The following PLEKHA8 variants were observed in gnomAD, a reference collection of about 807,000 sequenced individuals.
PLEKHA8 encodes the protein pleckstrin homology domain containing A8.
A neutral mutation model predicts 68.2 loss-of-function variants in PLEKHA8; 36 were observed. The ratio of observed to expected loss-of-function variants is 0.53; its 90% CI spans 0.40 to 0.70. The LOEUF (loss-of-function observed/expected upper bound fraction) is 0.70, where lower values mean the gene tolerates loss of function less well. Among genes scored for constraint, PLEKHA8 ranks in the 30% least tolerant of loss-of-function variants. The pLI, the probability that PLEKHA8 is intolerant of heterozygous loss-of-function variation, is 0.00. For synonymous variants in PLEKHA8, 211 were observed against 216.1 expected (o/e 0.98, Z 0.20); for missense variants, 505 against 615.4 (o/e 0.82, Z 1.90).
intron 2 of PLEKHA8, 80 bp downstream of exon 2, chr7:30,045,281 A>C: frequency 1.1e-5 from 11 of 1,010,604 alleles, no homozygotes; most frequent in Non-Finnish European, 1.7e-5. Flanking sequence ...GCCCCTGCAT[A>C]CCTTTCTCTG....
In PLEKHA8 at chr7:30,082,572, G is replaced by A. The variant is rs1465243263; in HGVS notation, c.*3785G>A. 1 of 985,170 alleles carries A rather than the reference G, an allele frequency of 1.0e-6. No homozygotes were observed. The highest frequency in any genetic ancestry group is 1.7e-5 in the African/African-American group (1 of 57,202). The allele number at this position is 985,170 out of a possible 1,614,324, so 61.0% of individuals were successfully genotyped here. Reference sequence around the variant, plus strand: ...AGAGGAGTGCAGCGGAAAAAAATTTGCACTCTTCTCCTTTTGGTTATTACT... The same window carrying A: ...AGAGGAGTGCAGCGGAAAAAAATTTACACTCTTCTCCTTTTGGTTATTACT... On this transcript the variant is annotated 3_prime_UTR_variant, in exon 14 of 14. Coordinates refer to ENST00000449726, the MANE Select transcript of PLEKHA8 (RefSeq NM_001197026.2).
intron 9 of PLEKHA8, among the ~76,000 whole-genome samples, chr7:30,060,629 A>G (rs1296103573): frequency 1.3e-5 from 2 of 152,166 alleles, no homozygotes; most frequent in Non-Finnish European, 2.9e-5. Context: ...GGATTACTAT[A>G]TGAATCCTAA....
chr7:30,062,053 GT>G (rs779111511), intron 11 of PLEKHA8, 26 bp downstream of exon 11: 1 of 1,585,574 alleles, frequency 6.3e-7, no homozygotes, highest in Non-Finnish European at 8.5e-7. Flanking sequence ...TGGGACAGCA[GT>G]TAAAATCTAG....
downstream of PLEKHA8, among the ~76,000 whole-genome samples, chr7:30,089,529 T>C (rs541407658): frequency 6.6e-6 from 1 of 152,238 alleles, no homozygotes; most frequent in Admixed American, 6.5e-5. Context: ...CCAAACAAGA[T>C]GGGAAATATG....
In PLEKHA8 at chr7:30,078,853, A is replaced by C. The variant is rs923445891; in HGVS notation, c.*66A>C. ...CTAAAGTGTTTTGTTGCCCTACTTA[A>C]TTTCCAGCAACAGCCTCAACCCTCT... On this transcript the variant is annotated 3_prime_UTR_variant, in exon 14 of 14. Transcript: ENST00000449726. The C allele has an allele frequency of 2.6e-6, 4 of 1,545,220 alleles. No homozygotes were observed. The highest frequency in any genetic ancestry group is 3.5e-6 in the Non-Finnish European group (4 of 1,144,872).
chr7:30,028,540 G>T lies in PLEKHA8; in HGVS notation c.-223G>T, dbSNP rs999942392. 3 of 374,472 alleles carry T rather than the reference G, an allele frequency of 8.0e-6. No homozygotes were observed. The highest frequency in any genetic ancestry group is 1.4e-5 in the Non-Finnish European group (3 of 211,240). The allele number at this position is 374,472 out of a possible 1,614,324, so 23.2% of individuals were successfully genotyped here. On this transcript the variant is annotated 5_prime_UTR_variant, in exon 1 of 14. Coordinates refer to ENST00000449726, the MANE Select transcript of PLEKHA8 (RefSeq NM_001197026.2). ...GAACAGCGTGCCGGCTTCGCCCCAC[G>T]GGTTCACCGGCTGGCTGGGCTTCAA...
intron 13 of PLEKHA8, among the ~76,000 whole-genome samples, chr7:30,096,103 A>G: frequency 6.6e-6 from 1 of 152,086 alleles, no homozygotes; most frequent in East Asian, 1.9e-4. Flanking sequence ...TTAATCTATA[A>G]ATTACCTTGG....
In PLEKHA8 at chr7:30,082,055, G is replaced by A. The variant is rs181135290; in HGVS notation, c.*3268G>A. The A allele has an allele frequency of 5.1e-6, 5 of 973,978 alleles. No homozygotes were observed. The African/African-American group carries it at 8.8e-5, about 17-fold the overall frequency. The allele number at this position is 973,978 out of a possible 1,614,324, so 60.3% of individuals were successfully genotyped here. A position where few individuals can be genotyped will look rare whatever the true frequency, so the allele number is the denominator to read the frequency against. On this transcript the variant is annotated 3_prime_UTR_variant, in exon 14 of 14. Transcript: ENST00000449726. The stretch of plus-strand genomic sequence containing the variant: ...CATTGGCTCTTGATGTAGCTCTGAA[G>A]GGAGTTCCAGAAGAGGAGCTCTCAC...
chr7:30,117,937 T>C (rs1338420259), intron 13 of PLEKHA8: 1 of 1,459,142 alleles, frequency 6.9e-7, no homozygotes, highest in Non-Finnish European at 9.2e-7. Context: ...TTTAAAAAAT[T>C]TAAAAACTGA....
chr7:30,054,972 A>C (rs1792721429), intron 8 of PLEKHA8, 107 bp downstream of exon 8: 1 of 1,128,018 alleles, frequency 8.9e-7, no homozygotes. Flanking sequence ...GAGAATAGAG[A>C]ATGTGGTATA....
chr7:30,085,466 G>C (rs758235226), downstream of PLEKHA8, among the ~76,000 whole-genome samples: 1 of 152,218 alleles, frequency 6.6e-6, no homozygotes, highest in Non-Finnish European at 1.5e-5. Context: ...TTCAATGGCT[G>C]TGTGCTTAAT....
At chr7:30,129,459 T>A in exon 14 of PLEKHA8, 1 of 879,132 alleles carries the variant, frequency 1.1e-6, no homozygotes, top group Non-Finnish European at 1.8e-6. Flanking sequence ...AGAAACTTTA[T>A]CTTGTTCAAG....
At chr7:30,129,140 C>A in intron 13 of PLEKHA8, 1 of 1,333,736 alleles carries the variant, frequency 7.5e-7, no homozygotes, top group Non-Finnish European at 1.1e-6. Flanking sequence ...GGAAAATATA[C>A]CTTGCTGAAA....
chr7:30,050,273 A>G (rs1792299175), intron 5 of PLEKHA8, among the ~76,000 whole-genome samples, 161 bp from the exon 6 acceptor site: 1 of 152,188 alleles, frequency 6.6e-6, no homozygotes, highest in Non-Finnish European at 1.5e-5. Context: ...GTTGGAATCA[A>G]TGACTCTCTT....
intron 13 of PLEKHA8, among the ~76,000 whole-genome samples, chr7:30,118,851 C>A (rs1461404741): frequency 6.6e-6 from 1 of 152,252 alleles, no homozygotes; most frequent in Non-Finnish European, 1.5e-5. Flanking sequence ...CTCCACGTCT[C>A]CCATTCATCT....
chr7:30,096,443 C>G (rs1052712542), intron 13 of PLEKHA8, among the ~76,000 whole-genome samples: 1 of 152,164 alleles, frequency 6.6e-6, no homozygotes, highest in African/African-American at 2.4e-5. Context: ...ATGGGGTTTT[C>G]TAGATATACA....
intron 9 of PLEKHA8, among the ~76,000 whole-genome samples, chr7:30,058,599 G>C (rs1793186203): frequency 6.6e-6 from 1 of 151,662 alleles, no homozygotes; most frequent in South Asian, 2.1e-4. Context: ...CTTATAATAT[G>C]GGACTGTTTC....
chr7:30,034,236 T>C (rs1329722441), intron 1 of PLEKHA8, among the ~76,000 whole-genome samples: 8 of 151,924 alleles, frequency 5.3e-5, no homozygotes, highest in Admixed American at 1.3e-4. Flanking sequence ...TCCGAACTCC[T>C]GACCTCAGGT....
At chr7:30,090,735 T>C (rs1795382692) in exon 13 of PLEKHA8, 15 of 648,442 alleles carry the variant, frequency 2.3e-5, no homozygotes, top group Non-Finnish European at 2.9e-5. Context: ...AACAGATTTC[T>C]AAAAAGAAAT....
Sources: gnomAD v4.1 joint callset for allele counts (sites outside exome capture counted in the v4.1 genomes callset) on GRCh38, gnomAD v4.1.1 for gene constraint, MANE v1.5 for transcripts, NCBI Gene and HGNC (gene_info 2026-07-23, HGNC 2026-07-21) for gene names.